TMEM131L: variants seen among roughly 807,000 people sequenced by gnomAD.
TMEM131L encodes transmembrane 131 like, also known as transmembrane protein 131-like.
A neutral mutation model predicts 192.2 loss-of-function variants in TMEM131L; 54 were observed. That is an observed-to-expected ratio of 0.28 (90% CI 0.23 to 0.35). TMEM131L has a LOEUF of 0.35. Ranked by LOEUF, TMEM131L falls within the 10% of genes least tolerant of loss-of-function variation. The probability of loss-of-function intolerance (pLI) is 1.00; values close to 1 mark genes in which losing one functional copy is unlikely to be tolerated. For missense variants in TMEM131L, 1,888 were observed against 1,972.9 expected, an observed-to-expected ratio of 0.96 and a Z score of 0.82; for synonymous variants, 701 against 704.9, an observed-to-expected ratio of 0.99 and a Z score of 0.09.
At chr4:153,534,106 T>C (rs576951730) in intron 3 of TMEM131L, among the ~76,000 whole-genome samples, 1 of 152,364 alleles carries the variant, frequency 6.6e-6, no homozygotes, top group South Asian at 2.1e-4. Flanking sequence ...TGAATTGTGA[T>C]TTTATAAATC....
At chr4:153,568,992 T>G (rs545185341) in intron 7 of TMEM131L, among the ~76,000 whole-genome samples, 1 of 152,334 alleles carries the variant, frequency 6.6e-6, no homozygotes, top group East Asian at 1.9e-4. Flanking sequence ...GGACAGATGC[T>G]TCCCAAAGTG....
At chr4:153,478,863 A>G (rs62324698) in intron 3 of TMEM131L, among the ~76,000 whole-genome samples, 10,020 of 151,576 alleles carry the variant, frequency 0.066, 668 homozygotes, top group East Asian at 0.23. Flanking sequence ...CTACCCCACG[A>G]TACCAGCTTA....
rs773240697 is a variant in TMEM131L, at chr4:153,602,227, CTG to C, written c.2344_2345del (p.Val782PhefsTer6). 6.2e-7 allele frequency: 1 copy of C among 1,613,002 alleles called. No homozygotes were observed. Among genetic ancestry groups the C allele is most frequent in the Non-Finnish European group, 8.5e-7 (1 of 1,179,386 alleles). On this transcript the variant is annotated frameshift_variant, in exon 22 of 35. Transcript: ENST00000409959. LOFTEE classifies it high-confidence loss of function. ...GAGAATATTGGACCTCTTCCTATAA[CTG>C]TTTCGTCTCTGAAAATTAATGGGTA...
At chr4:153,568,009 C>T (rs935957909) in intron 7 of TMEM131L, among the ~76,000 whole-genome samples, 4 of 152,158 alleles carry the variant, frequency 2.6e-5, no homozygotes, top group Non-Finnish European at 5.9e-5. Flanking sequence ...GATAGGCTGT[C>T]AATCTCTGGA....
chr4:153,634,578 T>C (rs1734443821), intron 33 of TMEM131L, among the ~76,000 whole-genome samples: 1 of 152,210 alleles, frequency 6.6e-6, no homozygotes, highest in Non-Finnish European at 1.5e-5. Flanking sequence ...GATGTAACAT[T>C]GTTGGGTATC....
intron 3 of TMEM131L, among the ~76,000 whole-genome samples, chr4:153,476,590 G>A (rs986017591): frequency 3.9e-5 from 6 of 151,998 alleles, no homozygotes; most frequent in African/African-American, 1.2e-4. Context: ...CCAGCTACTC[G>A]GGAGGCTGAG....
chr4:153,632,190 A>G (rs1253420770), intron 31 of TMEM131L, among the ~76,000 whole-genome samples: 1 of 152,080 alleles, frequency 6.6e-6, no homozygotes, highest in Non-Finnish European at 1.5e-5. Flanking sequence ...GTGTGTGCCT[A>G]TAGTCCCAGT....
At chr4:153,589,082 G>A in intron 16 of TMEM131L, 75 bp downstream of exon 16, 1 of 795,488 alleles carries the variant, frequency 1.3e-6, no homozygotes, top group South Asian at 1.5e-5. Context: ...TACCTGCGGG[G>A]ACACATTCTA....
intron 2 of TMEM131L, among the ~76,000 whole-genome samples, chr4:153,472,262 A>G (rs938743921): frequency 5.9e-5 from 9 of 152,212 alleles, no homozygotes; most frequent in African/African-American, 1.4e-4. Context: ...GTGTTTAACT[A>G]TAGAGCCCAA....
chr4:153,583,495 G>T (rs376018240), intron 10 of TMEM131L, 69 bp from the exon 11 acceptor site: 3 of 1,059,878 alleles, frequency 2.8e-6, no homozygotes, highest in East Asian at 2.4e-5. Context: ...TTATTCTAAC[G>T]GTTCATTCAA....
chr4:153,560,136 C>T (rs551877119), intron 7 of TMEM131L, among the ~76,000 whole-genome samples: 50 of 152,274 alleles, frequency 3.3e-4, no homozygotes, highest in African/African-American at 1.1e-3. Flanking sequence ...TCTAGACTTC[C>T]GCTCCCATAC....
chr4:153,588,857 A>G, intron 15 of TMEM131L, 33 bp from the exon 16 acceptor site: 1 of 1,116,338 alleles, frequency 9.0e-7, no homozygotes, highest in African/African-American at 1.5e-5. Context: ...TGTTTTCTGT[A>G]AATCTAAATA....
chr4:153,584,907 G>A lies in TMEM131L; in HGVS notation c.1133G>A (p.Cys378Tyr), dbSNP rs1730598175. Residue 378 changes from cysteine to tyrosine, a missense_variant, in exon 12 of 35, where the codon TGC becomes TAC. Coordinates refer to ENST00000409959, the MANE Select transcript of TMEM131L (RefSeq NM_001131007.2). ...KTTHTPTLKA[C>Y]LFSSVAQGYF... ...ACACACACTCCAACACTAAAAGCAT[G>A]CCTCTTCTCTTCTGTGGCTCAGGGG... The A allele has an allele frequency of 2.5e-6, 4 of 1,613,858 alleles. No homozygotes were observed. Among genetic ancestry groups the A allele is most frequent in the Non-Finnish European group, 3.4e-6 (4 of 1,179,746 alleles).
At chr4:153,610,742 T>C (rs1732554270) in intron 25 of TMEM131L, among the ~76,000 whole-genome samples, 1 of 152,172 alleles carries the variant, frequency 6.6e-6, no homozygotes, top group Non-Finnish European at 1.5e-5. Flanking sequence ...GACTGCTCCT[T>C]TCCTTCTGTG....
chr4:153,489,986 G>T (rs1732651867), intron 3 of TMEM131L, among the ~76,000 whole-genome samples: 1 of 151,958 alleles, frequency 6.6e-6, no homozygotes, highest in Non-Finnish European at 1.5e-5. Flanking sequence ...AAATGAATAC[G>T]AGTTGATTCC....
chr4:153,519,389 C>A (rs952798592), intron 3 of TMEM131L, among the ~76,000 whole-genome samples: 2 of 152,154 alleles, frequency 1.3e-5, no homozygotes, highest in Non-Finnish European at 2.9e-5. Context: ...ATGGACGAAT[C>A]TTTCACTTTC....
At chr4:153,535,124 G>A (rs1474435626) in intron 3 of TMEM131L, among the ~76,000 whole-genome samples, 2 of 152,222 alleles carry the variant, frequency 1.3e-5, no homozygotes, top group Non-Finnish European at 2.9e-5. Context: ...ATGGGTGCTT[G>A]GATCAGGTGT....
Position 153,584,883 on chromosome 4 carries a change from C to A in TMEM131L, c.1109C>A (p.Thr370Lys). 1.9e-6 allele frequency: 3 copies of A among 1,614,108 alleles called. No homozygotes were observed. In the South Asian group the frequency reaches 3.3e-5, roughly 18 times the overall value. Residue 370 changes from threonine to lysine, a missense_variant, in exon 12 of 35, where the codon ACA becomes AAA. Coordinates refer to ENST00000409959, the MANE Select transcript of TMEM131L (RefSeq NM_001131007.2). ...ATTATAGAAGATGTGAAGAAAACAA[C>A]ACACACTCCAACACTAAAAGCATGC... is the stretch of plus-strand genomic sequence containing the variant. Reference protein sequence around the residue: ...SGIIEDVKKTTHTPTLKACLF... With the variant: ...SGIIEDVKKTKHTPTLKACLF...
chr4:153,523,913 C>T (rs112693543), intron 3 of TMEM131L, among the ~76,000 whole-genome samples: 365 of 152,254 alleles, frequency 2.4e-3, no homozygotes, highest in African/African-American at 8.0e-3. Flanking sequence ...GAGGCCTCAG[C>T]CTTCCATAAA....
Sources: gnomAD v4.1 joint callset for allele counts (sites outside exome capture counted in the v4.1 genomes callset) on GRCh38, gnomAD v4.1.1 for gene constraint, MANE v1.5 for transcripts, NCBI Gene and HGNC (gene_info 2026-07-23, HGNC 2026-07-21) for gene names.